SERPINB10: variants seen among roughly 807,000 people sequenced by gnomAD.
The protein encoded by SERPINB10 is serpin B10.
A neutral mutation model predicts 39.1 loss-of-function variants in SERPINB10; 35 were observed. The observed-to-expected ratio is 0.90, with a 90% confidence interval of 0.68 to 1.19. The LOEUF (loss-of-function observed/expected upper bound fraction) is 1.19, where lower values mean the gene tolerates loss of function less well. Ranked by LOEUF, SERPINB10 falls within the 50% of genes most tolerant of loss-of-function variation. The pLI is 0.00. For missense variants in SERPINB10, 546 were observed against 460.5 expected (o/e 1.19, Z -1.70); for synonymous variants, 190 against 158.1 (o/e 1.20, Z -1.52).
At position 63,918,209 on chromosome 18, in the gene SERPINB10, G is replaced by C. The variant is rs548266141; in HGVS notation, c.372+107G>C. ...AGGGATCCAGGGACAATCTTCATGT[G>C]GTCAGTACTTCCCTGCAAACAATCA... On this transcript the variant is annotated intron_variant, in intron 4 of 7. Coordinates refer to ENST00000238508, the MANE Select transcript of SERPINB10 (RefSeq NM_005024.3). 160 of 1,163,582 alleles carry C rather than the reference G, an allele frequency of 1.4e-4. 2 individuals carry two copies. The South Asian group carries it at 2.1e-3, about 15-fold the overall frequency. 72.1% of individuals were successfully genotyped at this position (1,163,582 alleles called of 1,614,324 possible).
chr18:63,934,702 T>C, intron 7 of SERPINB10, 136 bp from the exon 8 acceptor site: 1 of 802,312 alleles, frequency 1.2e-6, no homozygotes, highest in East Asian at 2.7e-5. Context: ...GATTTCCAGA[T>C]GTGTGTGTGT....
intron 5 of SERPINB10, among the ~76,000 whole-genome samples, chr18:63,926,375 T>C (rs528430609): frequency 2.6e-5 from 4 of 152,092 alleles, no homozygotes; most frequent in Non-Finnish European, 4.4e-5. Flanking sequence ...AGTCATTGGA[T>C]TGGGTCTCAT....
In SERPINB10 at chr18:63,908,135, C is replaced by A. The variant is rs549351074; in HGVS notation, c.-10+95C>A. ...GTAACAAATAATGAAGACCCCTTCC[C>A]CCAAAAAAGTCCAGAAATAATAGAT... On this transcript the variant is annotated intron_variant, in intron 1 of 7. Coordinates refer to ENST00000238508, the MANE Select transcript of SERPINB10 (RefSeq NM_005024.3). 4.5e-4 allele frequency: 99 copies of A among 217,948 alleles called. No homozygotes were observed. In the South Asian group the frequency reaches 5.5e-3, roughly 12 times the overall value. 13.5% of individuals were successfully genotyped at this position (217,948 alleles called of 1,614,324 possible).
intron 5 of SERPINB10, among the ~76,000 whole-genome samples, chr18:63,920,234 T>A (rs2050137007): frequency 6.6e-6 from 1 of 152,034 alleles, no homozygotes. Flanking sequence ...GCATGGTTTT[T>A]AAGGAAAAAT....
chr18:63,917,567 A>T, intron 3 of SERPINB10, 46 bp downstream of exon 3: 1 of 1,102,340 alleles, frequency 9.1e-7, no homozygotes, highest in Non-Finnish European at 1.3e-6. Context: ...AGGAAAAAGT[A>T]CTTTTAGCAC....
chr18:63,915,407 A>G, intron 1 of SERPINB10, 95 bp from the exon 2 acceptor site: 1 of 803,620 alleles, frequency 1.2e-6, no homozygotes, highest in Non-Finnish European at 2.0e-6. Context: ...GACAATGTAT[A>G]TGGATATGTA....
intron 5 of SERPINB10, among the ~76,000 whole-genome samples, chr18:63,921,622 A>T (rs2050147250): frequency 6.6e-6 from 1 of 151,638 alleles, no homozygotes; most frequent in African/African-American, 2.4e-5. Context: ...TCCATTTACC[A>T]CCCAAATTAC....
chr18:63,929,662 T>C (rs1451004811), intron 5 of SERPINB10, among the ~76,000 whole-genome samples: 2 of 144,042 alleles, frequency 1.4e-5, no homozygotes, highest in East Asian at 4.1e-4. Flanking sequence ...AAAGAGTTGT[T>C]AGTCAAGTAG....
chr18:63,932,183 T>C (rs1273670459), intron 6 of SERPINB10, among the ~76,000 whole-genome samples: 1 of 152,236 alleles, frequency 6.6e-6, no homozygotes, highest in African/African-American at 2.4e-5. Flanking sequence ...TCCAATTTTT[T>C]GGCAATAATA....
At chr18:63,917,659 T>G in intron 3 of SERPINB10, 138 bp downstream of exon 3, 1 of 561,276 alleles carries the variant, frequency 1.8e-6, no homozygotes, top group Non-Finnish European at 3.1e-6. Flanking sequence ...AAACTTTTTT[T>G]GGAATACAAA....
At chr18:63,912,025 T>C (rs974149371) in intron 1 of SERPINB10, among the ~76,000 whole-genome samples, 6 of 151,988 alleles carry the variant, frequency 3.9e-5, no homozygotes, top group Admixed American at 3.9e-4. Flanking sequence ...GGTATTTTAT[T>C]TTATTTTATT....
At chr18:63,910,878 T>C (rs1192200854) in intron 1 of SERPINB10, among the ~76,000 whole-genome samples, 1 of 151,998 alleles carries the variant, frequency 6.6e-6, no homozygotes, top group Non-Finnish European at 1.5e-5. Context: ...AAATCTCCAA[T>C]CTGCTTTCCA....
chr18:63,934,365 A>G (rs997165112), intron 7 of SERPINB10, among the ~76,000 whole-genome samples: 2 of 152,156 alleles, frequency 1.3e-5, no homozygotes, highest in African/African-American at 4.8e-5. Context: ...TTCTTTTTTG[A>G]CTTAGTCTAT....
At chr18:63,921,494 T>TTC (rs2050146304) in intron 5 of SERPINB10, among the ~76,000 whole-genome samples, 1 of 151,948 alleles carries the variant, frequency 6.6e-6, no homozygotes, top group Non-Finnish European at 1.5e-5. Flanking sequence ...TCTTAAATGT[T>TTC]TCTCAGAGTT....
chr18:63,908,713 G>A (rs2050043029), intron 1 of SERPINB10, among the ~76,000 whole-genome samples: 1 of 152,040 alleles, frequency 6.6e-6, no homozygotes, highest in East Asian at 1.9e-4. Flanking sequence ...AGGTGCTGGG[G>A]ATTGGGGAAG....
At chr18:63,931,677 AAC>A (rs1244462486) in intron 6 of SERPINB10, among the ~76,000 whole-genome samples, 1 of 152,276 alleles carries the variant, frequency 6.6e-6, no homozygotes, top group South Asian at 2.1e-4. Flanking sequence ...TCCCCCCTTC[AAC>A]ACACACACAG....
intron 1 of SERPINB10, among the ~76,000 whole-genome samples, chr18:63,911,014 T>C (rs187593301): frequency 8.7e-4 from 132 of 152,202 alleles, no homozygotes; most frequent in Non-Finnish European, 1.2e-3. Context: ...GTATTCATTA[T>C]GGTTTGGACT....
At chr18:63,933,872 C>T (rs928828676) in intron 7 of SERPINB10, among the ~76,000 whole-genome samples, 1 of 152,180 alleles carries the variant, frequency 6.6e-6, no homozygotes, top group South Asian at 2.1e-4. Flanking sequence ...TGCACAGTGT[C>T]TAATTTTTCA....
At chr18:63,914,813 C>T (rs1206734152) in intron 1 of SERPINB10, among the ~76,000 whole-genome samples, 1 of 151,914 alleles carries the variant, frequency 6.6e-6, no homozygotes, top group Non-Finnish European at 1.5e-5. Context: ...TGTTTGGTTG[C>T]TTCCATTAGA....
Sources: allele counts gnomAD v4.1 joint callset (sites outside exome capture counted in the v4.1 genomes callset), GRCh38; gene constraint gnomAD v4.1.1; transcripts MANE v1.5; gene names NCBI Gene and HGNC (gene_info 2026-07-23, HGNC 2026-07-21).